LMNA: variants seen among roughly 807,000 people sequenced by gnomAD.
LMNA encodes lamin.
Under a neutral mutation model 70.4 loss-of-function variants are expected in LMNA, and 20 were observed. That is an observed-to-expected ratio of 0.28 (90% CI 0.20 to 0.41). The LOEUF (loss-of-function observed/expected upper bound fraction) is 0.41. Among genes scored for constraint, LMNA ranks in the 10% least tolerant of loss-of-function variants. The pLI is 1.00. For synonymous variants in LMNA, 339 were observed against 372.8 expected, an observed-to-expected ratio of 0.91 and a Z score of 1.04; for missense variants, 652 against 917.2, an observed-to-expected ratio of 0.71 and a Z score of 3.73.
chr1:156,122,964 G>A (rs1650301661), intron 1 of LMNA, among the ~76,000 whole-genome samples: 4 of 152,206 alleles, frequency 2.6e-5, no homozygotes, highest in African/African-American at 7.2e-5. Flanking sequence ...AGAGGAAGCC[G>A]GAATCCTGCC....
chr1:156,135,714 C>A lies in LMNA; in HGVS notation c.937-187C>A. 1 of 618,294 alleles carries A rather than the reference C, an allele frequency of 1.6e-6. No individual in the cohort carries two copies. 38.3% of individuals were successfully genotyped at this position (618,294 alleles called of 1,614,324 possible). ...TCAGTTAGACAAGGGGAAGGACTTC[C>A]CAGTTGCCAGCCAAGACTATGTTTA... On this transcript the variant is annotated intron_variant, in intron 5 of 11. Transcript: ENST00000368300. The surrounding 1 kb of genome is among the most constrained non-coding windows in gnomAD (Gnocchi z 4.8).
chr1:156,090,732 AG>A (rs1648664983), intron 3 of LMNA: 2 of 152,432 alleles, frequency 1.3e-5, no homozygotes, highest in Admixed American at 1.3e-4. Flanking sequence ...AGGGTGGGTG[AG>A]GTTCATTTGA....
Position 156,114,996 on chromosome 1 carries a change from C to T in LMNA, c.78C>T (p.Ile26=), listed in dbSNP as rs373721390. 81 of 1,599,578 alleles carry T rather than the reference C, an allele frequency of 5.1e-5. No homozygotes were observed. Among genetic ancestry groups the T allele is most frequent in the Non-Finnish European group, 6.8e-5 (80 of 1,173,492 alleles). The stretch of plus-strand genomic sequence containing the variant: ...CCACTCCGCTGTCGCCCACCCGCAT[C>T]ACCCGGCTGCAGGAGAAGGAGGACC... ...ASSTPLSPTR[I]TRLQEKEDLQ... is the part of the protein sequence containing the mutation. Residue 26 remains isoleucine (I), a synonymous_variant, in exon 1 of 12, where the codon ATC becomes ATT. Coordinates refer to ENST00000368300, the MANE Select transcript of LMNA (RefSeq NM_170707.4).
chr1:156,104,563 C>T (rs1649255090), intron 3 of LMNA, among the ~76,000 whole-genome samples: 1 of 152,088 alleles, frequency 6.6e-6, no homozygotes, highest in African/African-American at 2.4e-5. Context: ...CATCCCCACT[C>T]ATCCTCTGTG....
At chr1:156,094,038 G>T (rs1424698263) in intron 3 of LMNA, among the ~76,000 whole-genome samples, 1 of 152,024 alleles carries the variant, frequency 6.6e-6, no homozygotes. Context: ...CCTGTCACTG[G>T]GTTCCTCCAC....
Position 156,136,647 on chromosome 1 carries a change from TCA to T in LMNA, c.1380+212_1380+213del, listed in dbSNP as rs570858671. The stretch of plus-strand genomic sequence containing the variant: ...GCAGGTTATTTAACCTCTCAGAGCA[TCA>T]GTTTCCTCATCTGTAAAATGGGGAT... On this transcript the variant is annotated intron_variant, in intron 7 of 11. Transcript: ENST00000368300. The surrounding 1 kb of genome is among the most constrained non-coding windows in gnomAD (Gnocchi z 6.1). 587 of 670,674 alleles carry T rather than the reference TCA, an allele frequency of 8.8e-4. 1 individual carries two copies. Among genetic ancestry groups the T allele is most frequent in the Non-Finnish European group, 1.3e-3 (479 of 377,162 alleles). 41.5% of individuals were successfully genotyped at this position (670,674 alleles called of 1,614,324 possible).
intron 3 of LMNA, among the ~76,000 whole-genome samples, chr1:156,098,167 CTCA>C: frequency 6.6e-6 from 1 of 152,356 alleles, no homozygotes. Context: ...AGTTCAGGCC[CTCA>C]TCATCTATTC....
chr1:156,097,747 C>T (rs535424134), intron 3 of LMNA, among the ~76,000 whole-genome samples: 11 of 152,336 alleles, frequency 7.2e-5, no homozygotes, highest in African/African-American at 1.4e-4. Context: ...CTGCCCTATG[C>T]GAGCCCAACA....
intron 2 of LMNA, among the ~76,000 whole-genome samples, chr1:156,088,502 T>C (rs1648568930): frequency 6.6e-6 from 1 of 152,116 alleles, no homozygotes; most frequent in Admixed American, 6.5e-5. Flanking sequence ...GGATTAAATG[T>C]AAGGACAAAA....
chr1:156,138,125 G>C lies in LMNA; in HGVS notation c.1699-363G>C, dbSNP rs557735324. On this transcript the variant is annotated intron_variant, in intron 10 of 11. Transcript: ENST00000368300. This position sits in a 1 kb window ranked among gnomAD's most constrained non-coding sequence, Gnocchi z 5.5. ...CTCATTTCCCTCATTTTTCCTGCAA[G>C]AATGTTCTCTCTCATTCCTGACCGC... 3 of 525,118 alleles carry C rather than the reference G, an allele frequency of 5.7e-6. No homozygotes were observed. The highest frequency in any genetic ancestry group is 5.2e-4 in the Middle Eastern group (1 of 1,936). The allele number at this position is 525,118 out of a possible 1,614,324, so 32.5% of individuals were successfully genotyped here. A position where few individuals can be genotyped will look rare whatever the true frequency, so the allele number is the denominator to read the frequency against.
In LMNA at chr1:156,136,266, TCTCA is replaced by T; in HGVS notation, c.1215_1218del (p.Ser406ProfsTer73). The T allele has an allele frequency of 6.2e-7, 1 of 1,611,970 alleles. No homozygotes were observed. The highest frequency in any genetic ancestry group is 8.5e-7 in the Non-Finnish European group (1 of 1,180,008). ...GCAGCGCAGCCGTGGCCGTGCTTCC[TCTCA>T]CTCATCCCAGACACAGGGTGGGGGC... On this transcript the variant is annotated frameshift_variant, in exon 7 of 12. Transcript: ENST00000368300. LOFTEE classifies it high-confidence loss of function. This position sits in a 1 kb window ranked among gnomAD's most constrained non-coding sequence, Gnocchi z 6.1.
chr1:156,138,995 C>T lies in LMNA; in HGVS notation c.1969-85C>T. On this transcript the variant is annotated intron_variant, in intron 11 of 11. Coordinates refer to ENST00000368300, the MANE Select transcript of LMNA (RefSeq NM_170707.4). This position sits in a 1 kb window ranked among gnomAD's most constrained non-coding sequence, Gnocchi z 5.5. ...TGGAGTGTGAGGGATGGGGGAGATG[C>T]TACCTCCCTTCTAGGGGCCAGGGGA... 1.4e-6 allele frequency: 2 copies of T among 1,449,470 alleles called. No individual in the cohort carries two copies. The highest frequency in any genetic ancestry group is 9.7e-7 in the Non-Finnish European group (1 of 1,030,890). The allele number at this position is 1,449,470 out of a possible 1,614,324, so 89.8% of individuals were successfully genotyped here.
exon 2 of LMNA, chr1:156,083,002 C>A (rs759600943): frequency 6.6e-6 from 1 of 152,308 alleles, no homozygotes; most frequent in East Asian, 1.9e-4. Flanking sequence ...AAGACAAAGC[C>A]CGCAGCAGCG....
chr1:156,137,875 C>G lies in LMNA; in HGVS notation c.1698+132C>G. 1.3e-6 allele frequency: 2 copies of G among 1,516,526 alleles called. No individual in the cohort carries two copies. Among genetic ancestry groups the G allele is most frequent in the Non-Finnish European group, 1.8e-6 (2 of 1,135,712 alleles). 93.9% of individuals were successfully genotyped at this position (1,516,526 alleles called of 1,614,324 possible). The stretch of plus-strand genomic sequence containing the variant: ...AATGTTTTGGAACTTTACTCGCTGG[C>G]CTGGCCTTTCTTCTCTCTCCTCCCT... On this transcript the variant is annotated intron_variant, in intron 10 of 11. Transcript: ENST00000368300. This position sits in a 1 kb window ranked among gnomAD's most constrained non-coding sequence, Gnocchi z 4.6.
At chr1:156,130,812 AAC>A (rs1558126453) in intron 2 of LMNA, 39 bp downstream of exon 2, 1 of 1,545,996 alleles carries the variant, frequency 6.5e-7, no homozygotes, top group Non-Finnish European at 8.8e-7. Flanking sequence ...GGCCCCACCT[AAC>A]ACATGTACAC....
In LMNA at chr1:156,137,546, G is replaced by A. The variant is rs114316250; in HGVS notation, c.1609-108G>A. On this transcript the variant is annotated intron_variant, in intron 9 of 11. Transcript: ENST00000368300. The surrounding 1 kb of genome is among the most constrained non-coding windows in gnomAD (Gnocchi z 4.6). ...CAGAGGACAGAGTAAGCAGCAGGCC[G>A]GACAAAGGGCAGGCCACAAGAAAAG... The A allele has an allele frequency of 5.4e-3, 5,613 of 1,047,830 alleles. 193 individuals carry two copies. In the African/African-American group the frequency reaches 0.077, roughly 14 times the overall value. 64.9% of individuals were successfully genotyped at this position (1,047,830 alleles called of 1,614,324 possible).
rs146669139 is a variant in LMNA at position 156,124,146 on chromosome 1, C to T, written c.357-6471C>T. ...TGCCTGCTGTGGGTGCACATGCCCG[C>T]GTGAGGGAGTCGGGGTGTTTCATCC... is the stretch of plus-strand genomic sequence containing the variant. On this transcript the variant is annotated intron_variant, in intron 1 of 11. Coordinates refer to ENST00000368300, the MANE Select transcript of LMNA (RefSeq NM_170707.4). Among the ~76,000 whole-genome samples the T allele has an allele frequency of 4.8e-3, 738 of 152,188 alleles. 7 individuals carry two copies. The highest frequency in any genetic ancestry group is 0.017 in the African/African-American group (691 of 41,502).
At chr1:156,123,745 G>A (rs1428915708) in intron 1 of LMNA, among the ~76,000 whole-genome samples, 1 of 152,200 alleles carries the variant, frequency 6.6e-6, no homozygotes, top group Non-Finnish European at 1.5e-5. Flanking sequence ...TGCAGGGGGC[G>A]GCTGGTGAGG....
chr1:156,091,802 A>T (rs1648712748), intron 3 of LMNA, among the ~76,000 whole-genome samples: 1 of 152,130 alleles, frequency 6.6e-6, no homozygotes, highest in Non-Finnish European at 1.5e-5. Flanking sequence ...AGTGATCATC[A>T]CTGCAAAGAA....
Sources: gnomAD v4.1 joint callset for allele counts (sites outside exome capture counted in the v4.1 genomes callset) on GRCh38, gnomAD v4.1.1 for gene constraint, Gnocchi (gnomAD v3.1) non-coding constraint, MANE v1.5 for transcripts, NCBI Gene and HGNC (gene_info 2026-07-23, HGNC 2026-07-21) for gene names.